The following SOX6 variants were observed in gnomAD, a reference collection of about 807,000 sequenced individuals.
The protein encoded by SOX6 is SRY-box transcription factor 6.
SOX6 carries 11 observed loss-of-function variants against 97.8 expected under a neutral mutation model. That is an observed-to-expected ratio of 0.11 (90% CI 0.07 to 0.19). The LOEUF (loss-of-function observed/expected upper bound fraction) is 0.19, where lower values mean the gene tolerates loss of function less well. Ranked by LOEUF, SOX6 falls within the 10% of genes least tolerant of loss-of-function variation. The pLI is 1.00. For missense variants in SOX6, 810 were observed against 1,039.5 expected (o/e 0.78, Z 3.04); for synonymous variants, 360 against 371.4 (o/e 0.97, Z 0.35).
intron 6 of SOX6, among the ~76,000 whole-genome samples, chr11:16,156,621 T>C (rs1173789180): frequency 6.6e-6 from 1 of 151,900 alleles, no homozygotes; most frequent in Non-Finnish European, 1.5e-5. Context: ...TGTCCACCAA[T>C]ACATCTCTGA....
chr11:16,379,168 T>C (rs1212184439), intron 1 of SOX6, among the ~76,000 whole-genome samples: 1 of 152,086 alleles, frequency 6.6e-6, no homozygotes, highest in Non-Finnish European at 1.5e-5. Context: ...AAATTTATTT[T>C]TCAAAAAAGA....
intron 12 of SOX6, among the ~76,000 whole-genome samples, chr11:16,041,589 G>A (rs1010542102): frequency 6.6e-6 from 1 of 152,062 alleles, no homozygotes; most frequent in Non-Finnish European, 1.5e-5. Context: ...TATCATTTGG[G>A]TATAAGAAAT....
At chr11:16,111,652 C>T (rs1489226343) in intron 7 of SOX6, 151 bp downstream of exon 7, 3 of 1,060,024 alleles carry the variant, frequency 2.8e-6, no homozygotes, top group East Asian at 2.6e-5. Context: ...ACAATGCCCA[C>T]TCTTCCCAAT....
intron 1 of SOX6, among the ~76,000 whole-genome samples, chr11:16,405,825 C>T (rs984127454): frequency 2.0e-5 from 3 of 151,934 alleles, no homozygotes; most frequent in African/African-American, 7.2e-5. Context: ...ATTTTTACAC[C>T]ATGTTGTCTT....
intron 1 of SOX6, among the ~76,000 whole-genome samples, chr11:16,351,564 G>A (rs1016885372): frequency 6.6e-6 from 1 of 151,950 alleles, no homozygotes; most frequent in Non-Finnish European, 1.5e-5. Flanking sequence ...CCAAACTCCT[G>A]ACCCTGGCAC....
intron 4 of SOX6, among the ~76,000 whole-genome samples, chr11:16,539,013 G>A (rs1191631131): frequency 1.3e-5 from 2 of 152,166 alleles, no homozygotes; most frequent in African/African-American, 4.8e-5. Context: ...CAAATCAACA[G>A]AACATACATT....
intron 6 of SOX6, among the ~76,000 whole-genome samples, chr11:16,132,464 G>GAAA (rs71044086): frequency 7.2e-6 from 1 of 138,272 alleles, no homozygotes; most frequent in African/African-American, 2.7e-5. Context: ...AAGAAAGAAA[G>GAAA]AAAGAAAGAA....
chr11:16,217,646 G>A (rs1852412837), intron 4 of SOX6, among the ~76,000 whole-genome samples: 1 of 152,004 alleles, frequency 6.6e-6, no homozygotes, highest in Non-Finnish European at 1.5e-5. Context: ...TCCAATAGAA[G>A]GCTAACATTT....
Position 16,049,765 on chromosome 11 carries a change from T to C in SOX6, c.1425A>G (p.Gly475=). ...PSPIGGSLGR[G]SSLDILSSLN... is the part of the protein sequence containing the mutation. ...GACTTTTCCATTTACCTAAAGAGGA[T>C]CCTCTTCCCAGGCTTCCTCCAATGG... The change falls in exon 11 of 16, where the codon GGA becomes GGG. Residue 475 remains glycine (G), a synonymous_variant. Coordinates refer to ENST00000683767, the MANE Select transcript of SOX6 (RefSeq NM_001367873.1). 6.2e-7 allele frequency: 1 copy of C among 1,613,566 alleles called. No individual in the cohort carries two copies. Among genetic ancestry groups the C allele is most frequent in the Middle Eastern group, 1.7e-4 (1 of 5,898 alleles).
intron 1 of SOX6, among the ~76,000 whole-genome samples, chr11:16,428,842 GT>G (rs34801985): frequency 6.6e-6 from 1 of 152,144 alleles, no homozygotes; most frequent in Admixed American, 6.5e-5. Context: ...CTTTAATGTA[GT>G]TTTTTCCAAT....
chr11:16,689,477 C>A (rs1181382571), intron 3 of SOX6, among the ~76,000 whole-genome samples: 1 of 152,146 alleles, frequency 6.6e-6, no homozygotes, highest in African/African-American at 2.4e-5. Context: ...GGCTTGAAAA[C>A]CACTGTTTTG....
At chr11:16,143,496 T>C (rs1850205252) in intron 6 of SOX6, among the ~76,000 whole-genome samples, 1 of 152,080 alleles carries the variant, frequency 6.6e-6, no homozygotes, top group Admixed American at 6.6e-5. Flanking sequence ...AATTCACACA[T>C]AAGAATATTA....
At chr11:16,700,847 C>T (rs1848087356) in intron 3 of SOX6, among the ~76,000 whole-genome samples, 1 of 152,158 alleles carries the variant, frequency 6.6e-6, no homozygotes, top group African/African-American at 2.4e-5. Context: ...TTTCTTAACC[C>T]TGCTCACACC....
chr11:16,482,680 C>A (rs1860363397), intron 4 of SOX6, among the ~76,000 whole-genome samples: 1 of 145,734 alleles, frequency 6.9e-6, no homozygotes, highest in South Asian at 2.2e-4. Flanking sequence ...AAATGGTGTT[C>A]TTTGAAAAAA....
chr11:16,420,539 G>A (rs978966449), intron 1 of SOX6, among the ~76,000 whole-genome samples: 1 of 152,148 alleles, frequency 6.6e-6, no homozygotes, highest in Non-Finnish European at 1.5e-5. Flanking sequence ...AGAACTTTCT[G>A]ATCTAACGTT....
chr11:16,091,360 T>C (rs976395919), intron 9 of SOX6, among the ~76,000 whole-genome samples: 2 of 151,998 alleles, frequency 1.3e-5, no homozygotes, highest in East Asian at 1.9e-4. Flanking sequence ...CTATTAGAAA[T>C]CACAACTTTC....
chr11:16,684,869 G>A (rs778988597), intron 3 of SOX6, among the ~76,000 whole-genome samples: 6 of 152,136 alleles, frequency 3.9e-5, no homozygotes, highest in African/African-American at 7.2e-5. Context: ...AGAAATCATG[G>A]TGCCAGCATC....
At position 16,155,051 on chromosome 11, in the gene SOX6, G is replaced by GAA. The variant is rs34170019; in HGVS notation, c.777+28833_777+28834dup. ...GGAGTGTGGGTCAGACTGATTGTCA[G>GAA]AAAAAAAAAAAAAGTTTTCTTTTTC... On this transcript the variant is annotated intron_variant, in intron 6 of 15. Coordinates refer to ENST00000683767, the MANE Select transcript of SOX6 (RefSeq NM_001367873.1). Among the ~76,000 whole-genome samples, 572 of 143,138 alleles carry GAA rather than the reference G, an allele frequency of 4.0e-3. 3 individuals are homozygous for GAA. The highest frequency in any genetic ancestry group is 0.013 in the Admixed American group (193 of 14,434). 93.9% of individuals were successfully genotyped at this position (143,138 alleles called of 152,430 possible).
chr11:16,619,130 C>G (rs115491365), intron 3 of SOX6, among the ~76,000 whole-genome samples: 4 of 151,650 alleles, frequency 2.6e-5, no homozygotes, highest in African/African-American at 9.7e-5. Context: ...AACTGAAAAT[C>G]GTGTGACTTT....
Sources: allele counts gnomAD v4.1 joint callset (sites outside exome capture counted in the v4.1 genomes callset), GRCh38; gene constraint gnomAD v4.1.1; transcripts MANE v1.5; gene names NCBI Gene and HGNC (gene_info 2026-07-23, HGNC 2026-07-21).